CLCN4: variants seen among roughly 807,000 people sequenced by gnomAD.
CLCN4 encodes Cl-/H+ antiporter 4.
CLCN4 carries 1 observed loss-of-function variant against 41.7 expected under a neutral mutation model. That is an observed-to-expected ratio of 0.02 (90% CI 0.01 to 0.11). The LOEUF (loss-of-function observed/expected upper bound fraction) is 0.11, where lower values mean the gene tolerates loss of function less well. Ranked by LOEUF, CLCN4 falls within the 10% of genes least tolerant of loss-of-function variation. The pLI is 1.00. For synonymous variants in CLCN4, 277 were observed against 285.8 expected, an observed-to-expected ratio of 0.97 and a Z score of 0.31; for missense variants, 287 against 661.0, an observed-to-expected ratio of 0.43 and a Z score of 6.20.
chrX:10,227,962 G>T (rs915841628), intron 12 of CLCN4, among the ~76,000 whole-genome samples: 2 of 109,271 alleles, frequency 1.8e-5, no homozygotes, highest in Non-Finnish European at 3.8e-5. Flanking sequence ...TTTAATTTTT[G>T]TGGGTACATA....
In CLCN4 at chrX:10,189,669, A is replaced by G. The variant is rs1422362429; in HGVS notation, c.244+2055A>G. The stretch of plus-strand genomic sequence containing the variant: ...TCACTTCCCCCTTCCTCGCTGGACT[A>G]ACAGTGGAGAGGACCTGGGGTCTCA... On this transcript the variant is annotated intron_variant, in intron 4 of 12. Transcript: ENST00000380833. Among the ~76,000 whole-genome samples, 3 of 112,488 alleles carry G rather than the reference A, an allele frequency of 2.7e-5. No homozygotes were observed. In the East Asian group the frequency reaches 8.4e-4, roughly 31 times the overall value.
At chrX:10,178,483 C>T (rs751548858) in intron 2 of CLCN4, among the ~76,000 whole-genome samples, 10 of 111,848 alleles carry the variant, frequency 8.9e-5, no homozygotes, top group Non-Finnish European at 1.7e-4. Context: ...GACTCTTCCT[C>T]TAGATCCAAG....
chrX:10,209,305 C>G (rs1924482452), intron 9 of CLCN4, among the ~76,000 whole-genome samples: 1 of 85,118 alleles, frequency 1.2e-5, no homozygotes, highest in South Asian at 8.5e-4. Context: ...TCCTTCCCTT[C>G]CTTCCCTTCT....
At chrX:10,191,858 G>A (rs1219545944) in intron 4 of CLCN4, among the ~76,000 whole-genome samples, 1 of 109,058 alleles carries the variant, frequency 9.2e-6, no homozygotes, top group Non-Finnish European at 1.9e-5. Flanking sequence ...TTTTAACAGA[G>A]CCTTTAATAT....
intron 2 of CLCN4, among the ~76,000 whole-genome samples, chrX:10,181,864 A>G (rs1923694776): frequency 8.9e-6 from 1 of 112,080 alleles, no homozygotes; most frequent in African/African-American, 3.2e-5. Context: ...TATTGTATTA[A>G]TACATGCTTG....
intron 5 of CLCN4, 98 bp downstream of exon 5, chrX:10,195,196 TCAA>T (rs1418366746): frequency 5.8e-6 from 5 of 860,997 alleles, no homozygotes; most frequent in Non-Finnish European, 6.7e-6. Flanking sequence ...GATTTCACCT[TCAA>T]GTGCCTGCTC....
In CLCN4 at chrX:10,158,378, C is replaced by T. The variant is rs1923005491; in HGVS notation, c.-185C>T. 1.7e-5 allele frequency: 5 copies of T among 296,520 alleles called. No individual in the cohort carries two copies. The East Asian group carries it at 1.9e-4, about 11-fold the overall frequency. The allele number at this position is 296,520 out of a possible 1,213,427, so 24.4% of individuals were successfully genotyped here. ...ATCGACCCTCACCTCCCGGGACTTCCAGGGTCTTCCCCCCACCCCGCGCAC... is the reference window on the plus strand; with the variant it reads ...ATCGACCCTCACCTCCCGGGACTTCTAGGGTCTTCCCCCCACCCCGCGCAC... On this transcript the variant is annotated 5_prime_UTR_variant, in exon 2 of 13. Transcript: ENST00000380833.
chrX:10,213,535 G>A (rs1924624018), intron 10 of CLCN4, 146 bp from the exon 11 acceptor site: 19 of 542,556 alleles, frequency 3.5e-5, no homozygotes, highest in Non-Finnish European at 5.0e-5. Context: ...CTGGGTTCCA[G>A]AGGCCCAGTG....
rs1356239431 is a variant in CLCN4 at position 10,208,200 on chromosome X, C to T, written c.999C>T (p.Phe333=). Residue 333 remains phenylalanine, a synonymous_variant, in exon 9 of 13, where the codon TTC becomes TTT. Coordinates refer to ENST00000380833, the MANE Select transcript of CLCN4 (RefSeq NM_001830.4). ...YHTPWYMAEL[F]PFILLGVFGG... is the part of the protein sequence containing the mutation. ...CGCCCTGGTACATGGCTGAACTCTT[C>T]CCCTTCATCCTGCTTGGGGTCTTCG... 1 of 1,211,436 alleles carries T rather than the reference C, an allele frequency of 8.3e-7. No individual in the cohort carries two copies. Among genetic ancestry groups the T allele is most frequent in the Non-Finnish European group, 1.1e-6 (1 of 895,460 alleles).
intron 12 of CLCN4, among the ~76,000 whole-genome samples, chrX:10,223,489 G>A (rs1167634077): frequency 8.9e-6 from 1 of 111,854 alleles, no homozygotes; most frequent in Non-Finnish European, 1.9e-5. Context: ...TGCTGGCAAG[G>A]GATGCTTGTC....
intron 2 of CLCN4, among the ~76,000 whole-genome samples, chrX:10,166,019 G>T (rs952084892): frequency 6.2e-5 from 7 of 112,093 alleles, no homozygotes; most frequent in African/African-American, 2.3e-4. Flanking sequence ...ATGAGGGGGT[G>T]TGAACCTTGG....
rs149033321 is a variant in CLCN4, at chrX:10,214,778, C to T, written c.1975+699C>T. ...TGATGCCCAGGTCAGGGTGTCCCAA[C>T]GACAGGTGGATCAGAGAAGCAAGCC... On this transcript the variant is annotated intron_variant, in intron 11 of 12. Coordinates refer to ENST00000380833, the MANE Select transcript of CLCN4 (RefSeq NM_001830.4). Among the ~76,000 whole-genome samples, 656 of 111,841 alleles carry T rather than the reference C, an allele frequency of 5.9e-3. 7 individuals are homozygous for T. The highest frequency in any genetic ancestry group is 0.02 in the African/African-American group (613 of 30,795).
At chrX:10,187,941 C>A (rs998775862) in intron 4 of CLCN4, among the ~76,000 whole-genome samples, 2 of 111,711 alleles carry the variant, frequency 1.8e-5, no homozygotes, top group Non-Finnish European at 3.8e-5. Flanking sequence ...TTTTTGGAAA[C>A]GGTCTTGTTC....
At chrX:10,176,060 C>T (rs181285408) in intron 2 of CLCN4, among the ~76,000 whole-genome samples, 11 of 110,546 alleles carry the variant, frequency 1.0e-4, no homozygotes, top group African/African-American at 3.6e-4. Flanking sequence ...CCTTTAGTTG[C>T]ATTGTTGGGT....
At chrX:10,217,374 G>A (rs1924753308) in intron 11 of CLCN4, among the ~76,000 whole-genome samples, 1 of 112,016 alleles carries the variant, frequency 8.9e-6, no homozygotes, top group Admixed American at 9.5e-5. Context: ...ATGATTCTCT[G>A]TGCTGGGGCT....
chrX:10,223,872 G>A (rs1924918829), intron 12 of CLCN4, among the ~76,000 whole-genome samples: 1 of 112,173 alleles, frequency 8.9e-6, no homozygotes, highest in Non-Finnish European at 1.9e-5. Flanking sequence ...GAAGAGCCCA[G>A]CTGCTCGAAT....
chrX:10,189,347 CT>C (rs772555810), intron 4 of CLCN4, among the ~76,000 whole-genome samples: 1 of 112,003 alleles, frequency 8.9e-6, no homozygotes, highest in East Asian at 2.8e-4. Context: ...TTATTATCCA[CT>C]TGATTTCCAT....
intron 12 of CLCN4, 98 bp from the exon 13 acceptor site, chrX:10,233,396 G>C (rs1925171797): frequency 1.7e-6 from 1 of 600,786 alleles, no homozygotes; most frequent in African/African-American, 2.2e-5. Context: ...AATGTTGTCT[G>C]TCTCTGTGTC....
chrX:10,196,345 T>A (rs1569227992), intron 5 of CLCN4, among the ~76,000 whole-genome samples: 1 of 111,726 alleles, frequency 9.0e-6, no homozygotes, highest in South Asian at 3.7e-4. Flanking sequence ...AAAATCTTAG[T>A]TCAGGAAAGA....
Sources: allele counts gnomAD v4.1 joint callset (sites outside exome capture counted in the v4.1 genomes callset), GRCh38; gene constraint gnomAD v4.1.1; transcripts MANE v1.5; gene names NCBI Gene and HGNC (gene_info 2026-07-23, HGNC 2026-07-21).